The following SDCCAG8 variants were observed in gnomAD, a reference collection of about 807,000 sequenced individuals.
The protein encoded by SDCCAG8 is serologically defined colon cancer antigen 8.
In SDCCAG8, 74 loss-of-function variants were observed where a neutral mutation model predicts 101.8. That is an observed-to-expected ratio of 0.73 (90% CI 0.60 to 0.88). The LOEUF (loss-of-function observed/expected upper bound fraction) is 0.88, where lower values mean the gene tolerates loss of function less well. Among genes scored for constraint, SDCCAG8 ranks in the 40% least tolerant of loss-of-function variants. The probability of loss-of-function intolerance (pLI) is 0.00; values close to 1 mark genes in which losing one functional copy is unlikely to be tolerated. For missense variants in SDCCAG8, 787 were observed against 822.6 expected (o/e 0.96, Z 0.53); for synonymous variants, 281 against 292.9 (o/e 0.96, Z 0.41).
At chr1:243,390,280 G>T (rs1251239026) in intron 13 of SDCCAG8, among the ~76,000 whole-genome samples, 3 of 152,110 alleles carry the variant, frequency 2.0e-5, no homozygotes, top group Non-Finnish European at 4.4e-5. Context: ...ATTTTAAATG[G>T]ATATATGTGC....
intron 13 of SDCCAG8, among the ~76,000 whole-genome samples, chr1:243,405,136 G>A (rs191948665): frequency 8.5e-5 from 13 of 152,208 alleles, no homozygotes; most frequent in Admixed American, 6.5e-4. Flanking sequence ...AAAGTGTTGG[G>A]ATTACAGGTG....
At position 243,416,062 on chromosome 1, in the gene SDCCAG8, T is replaced by A. The variant is rs1426592311; in HGVS notation, c.1744+233T>A. ...CTGCTCTCACATCTGTTGCACCATC[T>A]GGATTATGAGTTTATTTACCTGTGT... On this transcript the variant is annotated intron_variant, in intron 14 of 17. Coordinates refer to ENST00000366541, the MANE Select transcript of SDCCAG8 (RefSeq NM_006642.5). This position sits in a 1 kb window ranked among gnomAD's most constrained non-coding sequence, Gnocchi z 4.3. Among the ~76,000 whole-genome samples, 1 of 152,216 alleles carries A rather than the reference T, an allele frequency of 6.6e-6. No homozygotes were observed. Among genetic ancestry groups the A allele is most frequent in the East Asian group, 1.9e-4 (1 of 5,200 alleles).
chr1:243,472,048 T>G lies in SDCCAG8; in HGVS notation c.1986-16966T>G, dbSNP rs145479761. Among the ~76,000 whole-genome samples the G allele has an allele frequency of 4.3e-4, 66 of 152,282 alleles. 2 individuals carry two copies. Among genetic ancestry groups the G allele is most frequent in the African/African-American group, 1.5e-3 (62 of 41,558 alleles). On this transcript the variant is annotated intron_variant, in intron 16 of 17. Transcript: ENST00000366541. ...AGTGAGACCTCACAACTAGAACAGA[T>G]CTGGTGAGTTTCTTCTCATAGGAAG...
intron 16 of SDCCAG8, among the ~76,000 whole-genome samples, chr1:243,485,936 C>A (rs1194099074): frequency 6.9e-6 from 1 of 145,794 alleles, no homozygotes; most frequent in Non-Finnish European, 1.5e-5. Flanking sequence ...TGGTGGCTCA[C>A]GCCTGTAATC....
chr1:243,282,204 C>CTT (rs933001311), intron 4 of SDCCAG8, among the ~76,000 whole-genome samples: 1 of 146,944 alleles, frequency 6.8e-6, no homozygotes, highest in African/African-American at 2.5e-5. Context: ...AATTGTACTT[C>CTT]TTTTTTTTTT....
chr1:243,304,780 A>G lies in SDCCAG8; in HGVS notation c.740+3A>G, dbSNP rs1272484885. ...GAATCCCAATTGAAGTTTTTGAGGT[A>G]AAGTGAAATCGTCCATTTATAGTCA... On this transcript the variant is annotated splice_donor_region_variant and intron_variant, in intron 7 of 17. Coordinates refer to ENST00000366541, the MANE Select transcript of SDCCAG8 (RefSeq NM_006642.5). 3 of 1,558,470 alleles carry G rather than the reference A, an allele frequency of 1.9e-6. No individual in the cohort carries two copies. The African/African-American group carries it at 4.1e-5, about 21-fold the overall frequency.
At chr1:243,390,118 T>C (rs1024622503) in intron 13 of SDCCAG8, among the ~76,000 whole-genome samples, 8 of 152,258 alleles carry the variant, frequency 5.3e-5, no homozygotes, top group Non-Finnish European at 1.0e-4. Flanking sequence ...CATTGATGTA[T>C]ATTCTTGCTA....
At chr1:243,386,535 C>T (rs2078303569) in intron 13 of SDCCAG8, among the ~76,000 whole-genome samples, 1 of 152,066 alleles carries the variant, frequency 6.6e-6, no homozygotes, top group Admixed American at 6.5e-5. Flanking sequence ...AGGCGGATCA[C>T]GAGGTCAGGA....
intron 13 of SDCCAG8, among the ~76,000 whole-genome samples, chr1:243,396,967 C>T (rs1202370895): frequency 6.6e-6 from 1 of 152,110 alleles, no homozygotes; most frequent in East Asian, 1.9e-4. Flanking sequence ...CAGAAGCTTG[C>T]GGTAAACAAA....
At chr1:243,429,998 A>C (rs1335212405) in intron 16 of SDCCAG8, among the ~76,000 whole-genome samples, 3 of 151,882 alleles carry the variant, frequency 2.0e-5, no homozygotes, top group Non-Finnish European at 4.4e-5. Flanking sequence ...TGCCTGGCCT[A>C]ATTTTTAAAA....
At chr1:243,402,470 A>G (rs753149829) in intron 13 of SDCCAG8, among the ~76,000 whole-genome samples, 14 of 152,108 alleles carry the variant, frequency 9.2e-5, no homozygotes, top group Non-Finnish European at 1.6e-4. Flanking sequence ...AATTTATTTA[A>G]CCCAATGTAT....
chr1:243,325,797 C>T (rs933651071), intron 9 of SDCCAG8, among the ~76,000 whole-genome samples: 1 of 152,146 alleles, frequency 6.6e-6, no homozygotes. Flanking sequence ...CCATGTATAC[C>T]ACTTAGCAAA....
rs1477195260 is a variant in SDCCAG8 at position 243,462,854 on chromosome 1, A to G, written c.1986-26160A>G. 4.6e-5 allele frequency among the ~76,000 whole-genome samples: 7 copies of G among 150,604 alleles called. No individual in the cohort carries two copies. The East Asian group carries it at 1.4e-3, about 30-fold the overall frequency. The stretch of plus-strand genomic sequence containing the variant: ...CTTCTCTCATCTTTTGGCAAAAAAC[A>G]AAACAAAACAAAACAAAAAAAAACC... On this transcript the variant is annotated intron_variant, in intron 16 of 17. Coordinates refer to ENST00000366541, the MANE Select transcript of SDCCAG8 (RefSeq NM_006642.5).
chr1:243,483,513 TCTCTC>T (rs1489326042), intron 16 of SDCCAG8, among the ~76,000 whole-genome samples: 1 of 151,858 alleles, frequency 6.6e-6, no homozygotes, highest in African/African-American at 2.4e-5. Flanking sequence ...AGATTGCCCC[TCTCTC>T]CTCCAGTGCC....
intron 9 of SDCCAG8, among the ~76,000 whole-genome samples, chr1:243,319,699 C>T (rs973272324): frequency 2.0e-5 from 3 of 152,082 alleles, no homozygotes; most frequent in African/African-American, 7.2e-5. Context: ...AACATCTGAT[C>T]CTTTTCCTCT....
At position 243,480,319 on chromosome 1, in the gene SDCCAG8, GGGTGGGATGGATGGATGGATA is replaced by G. The variant is rs1216400026; in HGVS notation, c.1986-8680_1986-8660del. Among the ~76,000 whole-genome samples, 283 of 141,144 alleles carry G rather than the reference GGGTGGGATGGATGGATGGATA, an allele frequency of 2.0e-3. 1 individual carries two copies. The highest frequency in any genetic ancestry group is 3.7e-3 in the Non-Finnish European group (245 of 65,652). The allele number at this position is 141,144 out of a possible 152,430, so 92.6% of individuals were successfully genotyped here. Reference sequence around the variant, plus strand: ...GGATGGATGAGTGGGATGGATGGATGGGTGGGATGGATGGATGGATAGGTGGGATGGATGGGTGGGTGGGAT... The same window carrying G: ...GGATGGATGAGTGGGATGGATGGATGGGTGGGATGGATGGGTGGGTGGGAT... On this transcript the variant is annotated intron_variant, in intron 16 of 17. Transcript: ENST00000366541.
At chr1:243,289,813 C>CT (rs1452423444) in intron 5 of SDCCAG8, among the ~76,000 whole-genome samples, 1 of 152,108 alleles carries the variant, frequency 6.6e-6, no homozygotes, top group Non-Finnish European at 1.5e-5. Flanking sequence ...ACCAAACCAT[C>CT]TTTGTTTGCA....
intron 8 of SDCCAG8, among the ~76,000 whole-genome samples, chr1:243,313,851 G>A (rs1030192974): frequency 6.6e-6 from 1 of 152,102 alleles, no homozygotes; most frequent in South Asian, 2.1e-4. Flanking sequence ...GGCTGGAATC[G>A]GCTGTTTCTG....
chr1:243,301,659 T>C (rs1468289498), intron 6 of SDCCAG8, among the ~76,000 whole-genome samples: 2 of 152,208 alleles, frequency 1.3e-5, no homozygotes, highest in Admixed American at 6.5e-5. Flanking sequence ...CTTTGTACTT[T>C]TGCACAATGC....
Sources: allele counts gnomAD v4.1 joint callset (sites outside exome capture counted in the v4.1 genomes callset), GRCh38; gene constraint gnomAD v4.1.1; non-coding constraint Gnocchi (gnomAD v3.1); transcripts MANE v1.5; gene names NCBI Gene and HGNC (gene_info 2026-07-23, HGNC 2026-07-21).